SELP: variants seen among roughly 807,000 people sequenced by gnomAD.
The protein encoded by SELP is P-selectin.
A neutral mutation model predicts 104.1 loss-of-function variants in SELP; 92 were observed. The observed-to-expected ratio is 0.88, with a 90% CI of 0.75 to 1.05. SELP has a LOEUF of 1.05. Among genes scored for constraint, SELP ranks in the 50% least tolerant of loss-of-function variants. The pLI, the probability that SELP is intolerant of heterozygous loss-of-function variation, is 0.00. For missense variants in SELP, 1,022 were observed against 1,017.3 expected (o/e 1.00, Z -0.06); for synonymous variants, 397 against 364.5 (o/e 1.09, Z -1.01).
Position 169,612,181 on chromosome 1 carries a change from A to ATATTATACATT in SELP, c.961+35_961+36insAATGTATAATA, listed in dbSNP as rs766135780. The stretch of plus-strand genomic sequence containing the variant: ...TATGCACTAAGTAAGGACTGGGTGC[A>ATATTATACATT]ATGGACATTATACATCCCAACTACC... On this transcript the variant is annotated intron_variant, in intron 6 of 16. Coordinates refer to ENST00000263686, the MANE Select transcript of SELP (RefSeq NM_003005.4). 1.8e-5 allele frequency: 29 copies of ATATTATACATT among 1,600,692 alleles called. No homozygotes were observed. The South Asian group carries it at 3.0e-4, about 16-fold the overall frequency.
At chr1:169,620,331 C>T (rs1236453981) in intron 1 of SELP, among the ~76,000 whole-genome samples, 1 of 151,150 alleles carries the variant, frequency 6.6e-6, no homozygotes, top group Non-Finnish European at 1.5e-5. Context: ...TTCAGAATGA[C>T]AGTAGCAGAG....
At chr1:169,613,765 CCA>C (rs1229793366) in intron 3 of SELP, 72 bp from the exon 4 acceptor site, 3 of 1,258,452 alleles carry the variant, frequency 2.4e-6, no homozygotes, top group East Asian at 2.3e-5. Flanking sequence ...CTCGTTTTGA[CCA>C]CAGACTCATC....
At chr1:169,595,821 A>G in intron 12 of SELP, 104 bp downstream of exon 12, 1 of 902,044 alleles carries the variant, frequency 1.1e-6, no homozygotes, top group Non-Finnish European at 1.8e-6. Context: ...TGACACTTGG[A>G]GTAGTGGTTG....
intron 10 of SELP, among the ~76,000 whole-genome samples, chr1:169,602,312 A>G (rs1661948902): frequency 6.6e-6 from 1 of 152,204 alleles, no homozygotes; most frequent in Admixed American, 6.5e-5. Flanking sequence ...TGCTAGGGTT[A>G]AATCTCACCC....
At chr1:169,602,654 C>T (rs1661964625) in intron 10 of SELP, among the ~76,000 whole-genome samples, 1 of 152,100 alleles carries the variant, frequency 6.6e-6, no homozygotes, top group Non-Finnish European at 1.5e-5. Context: ...ACTCTGTCAC[C>T]AGGCTGGAGT....
At chr1:169,601,907 C>T (rs1156545467) in intron 10 of SELP, among the ~76,000 whole-genome samples, 1 of 152,068 alleles carries the variant, frequency 6.6e-6, no homozygotes, top group African/African-American at 2.4e-5. Flanking sequence ...TATCACTGGT[C>T]TCATTATTAC....
chr1:169,593,885 G>C (rs1661467258), intron 13 of SELP, among the ~76,000 whole-genome samples, 161 bp from the exon 14 acceptor site: 1 of 152,172 alleles, frequency 6.6e-6, no homozygotes, highest in Non-Finnish European at 1.5e-5. Context: ...AGAAGATCTG[G>C]AATTCATAAA....
In SELP at chr1:169,596,019, G is replaced by T. The variant is rs183774680; in HGVS notation, c.2007C>A (p.Tyr669Ter). ...GTGTGAATCCAGCGTTGCAGCCAAA[G>T]TAACAAGTGGTATTAAAACCAAAGG... The part of the protein sequence containing the change: ...PGTFGFNTTC[Y>*]FGCNAGFTLI... Residue 669 changes from tyrosine (Y) to a stop codon, truncating the protein, a stop_gained, in exon 12 of 17, where the codon TAC (tyrosine) becomes TAA (stop). Coordinates refer to ENST00000263686, the MANE Select transcript of SELP (RefSeq NM_003005.4). LOFTEE classifies it high-confidence loss of function. 6.2e-7 allele frequency: 1 copy of T among 1,613,946 alleles called. No homozygotes were observed. The highest frequency in any genetic ancestry group is 8.5e-7 in the Non-Finnish European group (1 of 1,179,846).
At chr1:169,593,745 CAT>C in intron 13 of SELP, 21 bp from the exon 14 acceptor site, 1 of 1,612,460 alleles carries the variant, frequency 6.2e-7, no homozygotes, top group Non-Finnish European at 8.5e-7. Context: ...AACACACACA[CAT>C]GCAAGACATA....
Position 169,628,374 on chromosome 1 carries a change from A to T in SELP, c.3+1698T>A, listed in dbSNP as rs142705812. On this transcript the variant is annotated intron_variant, in intron 1 of 16. Transcript: ENST00000263686. Reference sequence around the variant, plus strand: ...TCTGAACTTGAAGCAAAATTTACACAGGCAGTTTGAGGTTTCTGAATCTTT... The same window carrying T: ...TCTGAACTTGAAGCAAAATTTACACTGGCAGTTTGAGGTTTCTGAATCTTT... 2.2e-4 allele frequency among the ~76,000 whole-genome samples: 34 copies of T among 152,364 alleles called. No individual in the cohort carries two copies. The East Asian group carries it at 6.4e-3, about 28-fold the overall frequency.
chr1:169,617,478 A>G lies in SELP; in HGVS notation c.95-64T>C, dbSNP rs112220832. 3.4e-3 allele frequency: 5,219 copies of G among 1,523,580 alleles called. 159 individuals carry two copies. The African/African-American group carries it at 0.065, about 19-fold the overall frequency. The allele number at this position is 1,523,580 out of a possible 1,614,324, so 94.4% of individuals were successfully genotyped here. On this transcript the variant is annotated intron_variant, in intron 2 of 16. Coordinates refer to ENST00000263686, the MANE Select transcript of SELP (RefSeq NM_003005.4). Reference sequence around the variant, plus strand: ...CACCAAAAAAGAGGCCGTGATCCCAAGTATGCTTCTGCATACTCAGATGAA... The same window carrying G: ...CACCAAAAAAGAGGCCGTGATCCCAGGTATGCTTCTGCATACTCAGATGAA...
intron 3 of SELP, among the ~76,000 whole-genome samples, chr1:169,614,194 T>A (rs1452673760): frequency 6.6e-6 from 1 of 152,212 alleles, no homozygotes; most frequent in Non-Finnish European, 1.5e-5. Context: ...TTGCACAGTG[T>A]TAGAGCCCAA....
rs1026179161 is a variant in SELP, at chr1:169,596,977, G to A, written c.1891+14C>T. ...TCCAAAAGTAGAACTGTCTTAGCAA[G>A]TACATATTATTACCTTTGCAGGTTG... On this transcript the variant is annotated intron_variant, in intron 11 of 16. Coordinates refer to ENST00000263686, the MANE Select transcript of SELP (RefSeq NM_003005.4). 1.2e-6 allele frequency: 2 copies of A among 1,602,956 alleles called. No individual in the cohort carries two copies. The highest frequency in any genetic ancestry group is 2.7e-5 in the African/African-American group (2 of 73,554).
At chr1:169,628,041 A>C (rs1478602178) in intron 1 of SELP, among the ~76,000 whole-genome samples, 1 of 152,214 alleles carries the variant, frequency 6.6e-6, no homozygotes, top group East Asian at 1.9e-4. Flanking sequence ...GATTACAGGC[A>C]CATGCCAACA....
At chr1:169,627,203 G>A (rs966526701) in intron 1 of SELP, among the ~76,000 whole-genome samples, 1 of 152,198 alleles carries the variant, frequency 6.6e-6, no homozygotes, top group African/African-American at 2.4e-5. Context: ...TAATACATTA[G>A]TTCCCTTATG....
chr1:169,613,546 G>C (rs1557965319), intron 4 of SELP, 40 bp downstream of exon 4: 2 of 1,494,188 alleles, frequency 1.3e-6, no homozygotes, highest in Non-Finnish European at 1.9e-6. Context: ...ATCATCTCTA[G>C]CATAAAACCA....
intron 1 of SELP, among the ~76,000 whole-genome samples, chr1:169,624,166 T>C (rs966030451): frequency 2.6e-5 from 4 of 152,180 alleles, no homozygotes; most frequent in African/African-American, 7.2e-5. Context: ...TGAGTAACAG[T>C]TTTCCTCTGA....
chr1:169,626,815 C>T (rs112666388), intron 1 of SELP, among the ~76,000 whole-genome samples: 2,012 of 152,160 alleles, frequency 0.013, 49 homozygotes, highest in African/African-American at 0.046. Flanking sequence ...CCATCTCAGC[C>T]TCCTGAGTAA....
chr1:169,597,453 C>A (rs1365732086), intron 10 of SELP, among the ~76,000 whole-genome samples: 1 of 152,080 alleles, frequency 6.6e-6, no homozygotes, highest in Non-Finnish European at 1.5e-5. Flanking sequence ...TACAATGTCA[C>A]CCTATTTTCT....
Sources: allele counts gnomAD v4.1 joint callset (sites outside exome capture counted in the v4.1 genomes callset), GRCh38; gene constraint gnomAD v4.1.1; transcripts MANE v1.5; gene names NCBI Gene and HGNC (gene_info 2026-07-23, HGNC 2026-07-21).